NALF1: variants seen among roughly 807,000 people sequenced by gnomAD.
NALF1 encodes family with sequence similarity 155 member A.
NALF1 carries 3 observed loss-of-function variants against 48.4 expected under a neutral mutation model. The ratio of observed to expected loss-of-function variants is 0.06; its 90% confidence interval spans 0.03 to 0.16. NALF1 has a LOEUF of 0.16. NALF1 is among the 10% of genes least tolerant of loss of function. The pLI is 1.00. For missense variants in NALF1, 526 were observed against 571.5 expected, an observed-to-expected ratio of 0.92 and a Z score of 0.81; for synonymous variants, 262 against 245.7, an observed-to-expected ratio of 1.07 and a Z score of -0.62.
At chr13:107,447,772 C>A (rs1370001498) in intron 1 of NALF1, among the ~76,000 whole-genome samples, 1 of 152,140 alleles carries the variant, frequency 6.6e-6, no homozygotes, top group Non-Finnish European at 1.5e-5. Context: ...ACGCCAGACA[C>A]CCAGAATCAA....
intron 1 of NALF1, among the ~76,000 whole-genome samples, chr13:107,279,813 T>C (rs2138871587): frequency 6.6e-6 from 1 of 152,326 alleles, no homozygotes; most frequent in Non-Finnish European, 1.5e-5. Context: ...TTCATTTCCT[T>C]TCCACCTGCT....
chr13:107,756,191 A>G (rs1877087849), intron 1 of NALF1, among the ~76,000 whole-genome samples: 1 of 152,172 alleles, frequency 6.6e-6, no homozygotes, highest in South Asian at 2.1e-4. Context: ...GGGCTCTCAC[A>G]TCCCAAAGAT....
chr13:107,553,038 G>A (rs1877342562), intron 1 of NALF1, among the ~76,000 whole-genome samples: 1 of 151,832 alleles, frequency 6.6e-6, no homozygotes, highest in East Asian at 1.9e-4. Flanking sequence ...AGATTTACAG[G>A]CTCAGCTCTC....
intron 1 of NALF1, among the ~76,000 whole-genome samples, chr13:107,213,612 A>T (rs1454577380): frequency 6.6e-6 from 1 of 152,234 alleles, no homozygotes; most frequent in African/African-American, 2.4e-5. Context: ...AAGGATGAGA[A>T]GCAGATGTTA....
At chr13:107,783,635 T>C (rs1359187955) in intron 1 of NALF1, among the ~76,000 whole-genome samples, 2 of 152,062 alleles carry the variant, frequency 1.3e-5, no homozygotes, top group African/African-American at 4.8e-5. Flanking sequence ...CGGTGCAAGA[T>C]GTGCTTTGTT....
intron 1 of NALF1, among the ~76,000 whole-genome samples, chr13:107,407,094 G>A (rs907995250): frequency 5.3e-5 from 8 of 151,758 alleles, no homozygotes; most frequent in East Asian, 3.9e-4. Context: ...GACCCCCATC[G>A]CTCACCATAT....
chr13:107,704,800 T>C (rs1881908130), intron 1 of NALF1, among the ~76,000 whole-genome samples: 1 of 152,182 alleles, frequency 6.6e-6, no homozygotes, highest in African/African-American at 2.4e-5. Context: ...AGAATTGAGA[T>C]GCCCTGCGTC....
intron 1 of NALF1, among the ~76,000 whole-genome samples, chr13:107,303,822 T>A (rs1218530960): frequency 6.6e-6 from 1 of 152,222 alleles, no homozygotes; most frequent in Non-Finnish European, 1.5e-5. Flanking sequence ...AGACTGAGTT[T>A]TTTTTTCTAG....
At chr13:107,204,599 C>G (rs1009709059) in intron 2 of NALF1, among the ~76,000 whole-genome samples, 6 of 152,146 alleles carry the variant, frequency 3.9e-5, no homozygotes, top group Non-Finnish European at 8.8e-5. Context: ...GATCTGAACT[C>G]AAACCTAAAG....
At chr13:107,650,273 T>C (rs189312204) in intron 1 of NALF1, among the ~76,000 whole-genome samples, 2 of 151,610 alleles carry the variant, frequency 1.3e-5, no homozygotes, top group Admixed American at 6.6e-5. Context: ...CACCCGGACC[T>C]GGCCTGAAGG....
intron 1 of NALF1, among the ~76,000 whole-genome samples, chr13:107,670,798 C>A (rs886318224): frequency 5.3e-5 from 8 of 152,230 alleles, no homozygotes; most frequent in African/African-American, 1.9e-4. Flanking sequence ...TATTGTTAAG[C>A]AAGGTCTCCT....
chr13:107,777,413 G>C (rs1408597628), intron 1 of NALF1, among the ~76,000 whole-genome samples: 2 of 152,178 alleles, frequency 1.3e-5, no homozygotes, highest in Admixed American at 6.5e-5. Context: ...ACGTTGAATT[G>C]CAATCTGCAA....
intron 1 of NALF1, among the ~76,000 whole-genome samples, chr13:107,573,380 G>A (rs1357291971): frequency 6.6e-6 from 1 of 151,764 alleles, no homozygotes; most frequent in Non-Finnish European, 1.5e-5. Flanking sequence ...GCTGACCTGG[G>A]GAATAAGAAC....
intron 1 of NALF1, among the ~76,000 whole-genome samples, chr13:107,445,250 C>T (rs1308117433): frequency 2.0e-5 from 3 of 152,172 alleles, no homozygotes; most frequent in South Asian, 4.1e-4. Context: ...ACCCTCTGCC[C>T]TCTCTCCGAA....
intron 1 of NALF1, among the ~76,000 whole-genome samples, chr13:107,630,899 G>A (rs1241521459): frequency 6.6e-6 from 1 of 152,138 alleles, no homozygotes; most frequent in African/African-American, 2.4e-5. Context: ...AAATCTTCTA[G>A]CCTTTTTAAT....
intron 1 of NALF1, among the ~76,000 whole-genome samples, chr13:107,761,215 G>T (rs1045507560): frequency 1.3e-5 from 2 of 152,032 alleles, no homozygotes; most frequent in African/African-American, 4.8e-5. Context: ...AAATTAGCTG[G>T]GCATGGTGGC....
chr13:107,801,431 C>T (rs1424328513), intron 1 of NALF1, among the ~76,000 whole-genome samples: 4 of 152,126 alleles, frequency 2.6e-5, no homozygotes, highest in African/African-American at 7.2e-5. Flanking sequence ...CTAAAGGAGG[C>T]TGGCATAATT....
intron 1 of NALF1, among the ~76,000 whole-genome samples, chr13:107,854,610 C>T (rs954183526): frequency 6.6e-6 from 1 of 152,108 alleles, no homozygotes; most frequent in African/African-American, 2.4e-5. Flanking sequence ...CGGTGGCTCA[C>T]GCCTGTAATC....
intron 1 of NALF1, among the ~76,000 whole-genome samples, chr13:107,249,565 G>A (rs561688125): frequency 7.0e-6 from 1 of 143,806 alleles, no homozygotes; most frequent in East Asian, 2.0e-4. Flanking sequence ...AGGTAATCAA[G>A]AGCCACCCTG....
Sources: gnomAD v4.1 joint callset for allele counts (sites outside exome capture counted in the v4.1 genomes callset) on GRCh38, gnomAD v4.1.1 for gene constraint, MANE v1.5 for transcripts, NCBI Gene and HGNC (gene_info 2026-07-23, HGNC 2026-07-21) for gene names.